F5: variants seen among roughly 807,000 people sequenced by gnomAD.
F5 encodes activated protein c cofactor.
In F5, 138 loss-of-function variants were observed where a neutral mutation model predicts 216.4. The ratio of observed to expected loss-of-function variants is 0.64; its 90% CI spans 0.56 to 0.73. F5 has a LOEUF of 0.73. Ranked by LOEUF, F5 falls within the 30% of genes least tolerant of loss-of-function variation. The pLI is 0.00. For missense variants in F5, 2,403 were observed against 2,674.0 expected, an observed-to-expected ratio of 0.90 and a Z score of 2.24; for synonymous variants, 916 against 930.7, an observed-to-expected ratio of 0.98 and a Z score of 0.29.
At chr1:169,534,009 C>T (rs746964948) in intron 14 of F5, among the ~76,000 whole-genome samples, 24 of 152,126 alleles carry the variant, frequency 1.6e-4, no homozygotes, top group African/African-American at 2.4e-4. Context: ...AAGATCGACC[C>T]GTGACCTAAT....
chr1:169,555,091 A>G, intron 7 of F5, 91 bp downstream of exon 7: 10 of 1,411,992 alleles, frequency 7.1e-6, no homozygotes, highest in Non-Finnish European at 1.0e-5. Flanking sequence ...TCCCCTTGAG[A>G]GCTGTGAACT....
chr1:169,552,797 A>G (rs1660204504), intron 7 of F5, 63 bp from the exon 8 acceptor site: 3 of 1,246,690 alleles, frequency 2.4e-6, no homozygotes, highest in Non-Finnish European at 3.5e-6. Flanking sequence ...TAGGATGGGG[A>G]AACCCTTGTG....
intron 3 of F5, among the ~76,000 whole-genome samples, chr1:169,566,561 T>G (rs1660604765): frequency 6.6e-6 from 1 of 151,942 alleles, no homozygotes; most frequent in African/African-American, 2.4e-5. Flanking sequence ...TTAACGATAC[T>G]TTTTTCTGCT....
intron 3 of F5, among the ~76,000 whole-genome samples, chr1:169,567,299 GGTGCAGCGCA>G (rs1168935799): frequency 2.0e-5 from 3 of 151,876 alleles, no homozygotes; most frequent in Non-Finnish European, 4.4e-5. Flanking sequence ...CGAGTTAGTG[GGTGCAGCGCA>G]CCAGCATGGC....
Position 169,555,257 on chromosome 1 carries a change from T to C in F5, c.1043A>G (p.Lys348Arg). The change falls in exon 7 of 25, where the codon AAG becomes AGG. Residue 348 changes from lysine (K) to arginine (R), a missense_variant. Around this residue, in one of 4 missense-constraint regions of F5, gnomAD observed 1,425 missense variants for 1,554.8 expected, o/e 0.92. Transcript: ENST00000367797. Reference protein sequence around the residue: ...KITREQRRHMKRWEYFIAAEE... With the variant: ...KITREQRRHMRRWEYFIAAEE... Reference sequence around the variant, plus strand: ...TGCAGCAATGAAGTATTCCCACCTCTTCATGTGCCGCCTCTGCTCACGAGT... The same window carrying C: ...TGCAGCAATGAAGTATTCCCACCTCCTCATGTGCCGCCTCTGCTCACGAGT... The C allele has an allele frequency of 6.2e-7, 1 of 1,614,172 alleles. No homozygotes were observed. The highest frequency in any genetic ancestry group is 8.5e-7 in the Non-Finnish European group (1 of 1,180,024).
At chr1:169,575,056 C>A (rs1318582597) in intron 2 of F5, among the ~76,000 whole-genome samples, 1 of 152,022 alleles carries the variant, frequency 6.6e-6, no homozygotes, top group African/African-American at 2.4e-5. Flanking sequence ...TCAATTTAAA[C>A]CTATGGTAAA....
At chr1:169,517,319 G>C (rs755362408) in intron 23 of F5, among the ~76,000 whole-genome samples, 2 of 152,118 alleles carry the variant, frequency 1.3e-5, no homozygotes, top group Non-Finnish European at 2.9e-5. Context: ...GTAACATTCT[G>C]TGATTCCATA....
At chr1:169,535,942 C>T (rs542415698) in intron 14 of F5, among the ~76,000 whole-genome samples, 6 of 152,058 alleles carry the variant, frequency 3.9e-5, no homozygotes, top group East Asian at 1.9e-4. Context: ...GCAAAAATGG[C>T]GGAAGTAAAC....
intron 13 of F5, among the ~76,000 whole-genome samples, chr1:169,538,470 G>T (rs1370288218): frequency 6.6e-6 from 1 of 152,166 alleles, no homozygotes; most frequent in Non-Finnish European, 1.5e-5. Flanking sequence ...CATTTTAAGT[G>T]TTCTAACCAC....
intron 12 of F5, 37 bp downstream of exon 12, chr1:169,544,259 G>C: frequency 6.3e-7 from 1 of 1,586,960 alleles, no homozygotes; most frequent in South Asian, 1.1e-5. Context: ...GAAATTCAAA[G>C]CAAGCTTCCT....
intron 14 of F5, among the ~76,000 whole-genome samples, chr1:169,535,561 A>G (rs1351748914): frequency 6.6e-6 from 1 of 152,106 alleles, no homozygotes; most frequent in Non-Finnish European, 1.5e-5. Context: ...TCCAATGTCC[A>G]TTATACCAAT....
chr1:169,533,668 A>G (rs1361924606), intron 14 of F5, among the ~76,000 whole-genome samples: 3 of 152,316 alleles, frequency 2.0e-5, no homozygotes, highest in East Asian at 3.9e-4. Context: ...TAATCATCAG[A>G]GAAATGCAAA....
chr1:169,558,052 T>C (rs538177512), intron 5 of F5, among the ~76,000 whole-genome samples: 2 of 152,302 alleles, frequency 1.3e-5, no homozygotes, highest in East Asian at 3.9e-4. Context: ...TTTATTTTTG[T>C]GCATATGGTT....
chr1:169,519,978 C>T (rs1466502181), intron 22 of F5, among the ~76,000 whole-genome samples: 1 of 152,200 alleles, frequency 6.6e-6, no homozygotes, highest in East Asian at 1.9e-4. Flanking sequence ...CCACAGGTCA[C>T]ATTACAGCCC....
Position 169,586,346 on chromosome 1 carries a change from A to G in F5, c.41T>C (p.Leu14Ser). 6.2e-7 allele frequency: 1 copy of G among 1,613,972 alleles called. No homozygotes were observed. Among genetic ancestry groups the G allele is most frequent in the Non-Finnish European group, 8.5e-7 (1 of 1,179,998 alleles). The change falls in exon 1 of 25, where the codon TTG becomes TCG. Residue 14 changes from leucine to serine, a missense_variant. Transcript: ENST00000367797. ...GCPRLWVLVV[L>S]GTSWVGWGSQ... Reference sequence around the variant, plus strand: ...CCCCCAGCCTACCCAGCTGGTGCCCAAGACCACCAGGACCCAGAGGCGTGG... The same window carrying G: ...CCCCCAGCCTACCCAGCTGGTGCCCGAGACCACCAGGACCCAGAGGCGTGG...
At position 169,513,511 on chromosome 1, in the gene F5, T is replaced by A. The variant is rs1352481614; in HGVS notation, c.*802A>T. 3.9e-5 allele frequency among the ~76,000 whole-genome samples: 6 copies of A among 152,132 alleles called. No individual in the cohort carries two copies. The East Asian group carries it at 7.7e-4, about 20-fold the overall frequency. On this transcript the variant is annotated 3_prime_UTR_variant, in exon 25 of 25. Coordinates refer to ENST00000367797, the MANE Select transcript of F5 (RefSeq NM_000130.5). The stretch of plus-strand genomic sequence containing the variant: ...AACTGCTTGCCAGTTTGGCCAGAGG[T>A]CTCTTTGAGCAGGAACAACTGCATT...
Position 169,560,734 on chromosome 1 carries a change from C to CT in F5, c.405_406insA (p.Glu136ArgfsTer16). 1 of 1,612,788 alleles carries CT rather than the reference C, an allele frequency of 6.2e-7. No homozygotes were observed. Among genetic ancestry groups the CT allele is most frequent in the Admixed American group, 1.7e-5 (1 of 59,976 alleles). On this transcript the variant is annotated frameshift_variant, in exon 4 of 25. Transcript: ENST00000367797. LOFTEE classifies it high-confidence loss of function. ...GGAGCCACAGCGTCGTCCATCTTCT[C>CT]CGCAGGGAATGTGTGGTCAAGGTAA...
At chr1:169,515,680 T>C (rs540652208) in intron 23 of F5, 54 bp from the exon 24 acceptor site, 1 of 1,581,088 alleles carries the variant, frequency 6.3e-7, no homozygotes, top group Non-Finnish European at 8.6e-7. Flanking sequence ...CCTTTGCTTT[T>C]TTTTTAGACC....
intron 16 of F5, 127 bp downstream of exon 16, chr1:169,529,481 G>A: frequency 2.3e-6 from 2 of 862,822 alleles, no homozygotes; most frequent in South Asian, 1.5e-5. Context: ...TAAGGAACCG[G>A]TTTTAGTTGT....
Sources: allele counts gnomAD v4.1 joint callset (sites outside exome capture counted in the v4.1 genomes callset), GRCh38; gene constraint gnomAD v4.1.1; regional missense constraint gnomAD v4.1.1; transcripts MANE v1.5; gene names NCBI Gene and HGNC (gene_info 2026-07-23, HGNC 2026-07-21).